The following MYO9B variants were observed in gnomAD, a reference collection of about 807,000 sequenced individuals.
MYO9B encodes the protein unconventional myosin-IXb.
In MYO9B, 71 loss-of-function variants were observed where a neutral mutation model predicts 229.5. That is an observed-to-expected ratio of 0.31 (90% CI 0.26 to 0.38). The LOEUF (loss-of-function observed/expected upper bound fraction) is 0.38. Among genes scored for constraint, MYO9B ranks in the 10% least tolerant of loss-of-function variants. MYO9B has a pLI of 1.00. For synonymous variants in MYO9B, 1,185 were observed against 1,235.8 expected (o/e 0.96, Z 0.86); for missense variants, 2,255 against 2,920.5 (o/e 0.77, Z 5.25).
At chr19:17,154,440 T>C in intron 6 of MYO9B, 25 bp downstream of exon 6, 2 of 1,577,394 alleles carry the variant, frequency 1.3e-6, no homozygotes, top group Non-Finnish European at 1.7e-6. Context: ...TCCCGGGGCC[T>C]GTCCCCCAGA....
intron 2 of MYO9B, among the ~76,000 whole-genome samples, chr19:17,114,044 C>T (rs1441254610): frequency 6.6e-6 from 1 of 152,128 alleles, no homozygotes; most frequent in Non-Finnish European, 1.5e-5. Flanking sequence ...ATCCTGATCC[C>T]TGCCCACTAG....
At chr19:17,175,097 A>AC (rs1296958771) in intron 13 of MYO9B, among the ~76,000 whole-genome samples, 1 of 151,714 alleles carries the variant, frequency 6.6e-6, no homozygotes, top group Non-Finnish European at 1.5e-5. Flanking sequence ...ACATAGTGAG[A>AC]CCCCATCTCT....
intron 24 of MYO9B, among the ~76,000 whole-genome samples, chr19:17,198,754 A>AG (rs1166732601): frequency 6.6e-6 from 1 of 150,726 alleles, no homozygotes; most frequent in Non-Finnish European, 1.5e-5. Flanking sequence ...AAAAAAAAAA[A>AG]AAAGCCTCTA....
intron 2 of MYO9B, among the ~76,000 whole-genome samples, chr19:17,138,379 A>G (rs1347457491): frequency 6.6e-6 from 1 of 152,212 alleles, no homozygotes; most frequent in African/African-American, 2.4e-5. Context: ...ATGTATCTCT[A>G]TCGCAGAATG....
chr19:17,180,189 C>A (rs1033276314), intron 14 of MYO9B, among the ~76,000 whole-genome samples: 13 of 148,980 alleles, frequency 8.7e-5, no homozygotes, highest in Admixed American at 7.4e-4. Context: ...GCTGAGATTG[C>A]GCCATTGTAC....
At chr19:17,204,662 G>A (rs1302158414) in intron 30 of MYO9B, among the ~76,000 whole-genome samples, 1 of 151,424 alleles carries the variant, frequency 6.6e-6, no homozygotes, top group East Asian at 2.0e-4. Context: ...TGGGCAACAT[G>A]GCAAGACCCC....
intron 2 of MYO9B, among the ~76,000 whole-genome samples, chr19:17,121,276 G>T (rs565109881): frequency 5.5e-4 from 84 of 152,036 alleles, no homozygotes; most frequent in Non-Finnish European, 1.0e-3. Flanking sequence ...ACTTGTACTT[G>T]GATTGTCAAC....
chr19:17,084,508 C>G (rs997807093), intron 1 of MYO9B, among the ~76,000 whole-genome samples: 21 of 151,826 alleles, frequency 1.4e-4, no homozygotes, highest in Non-Finnish European at 2.6e-4. Context: ...GGGGTGTGGA[C>G]CAGCATTTCC....
chr19:17,212,346 G>C lies in MYO9B; in HGVS notation c.*36G>C. The C allele has an allele frequency of 1.4e-6, 2 of 1,441,496 alleles. No individual in the cohort carries two copies. Among genetic ancestry groups the C allele is most frequent in the Non-Finnish European group, 1.8e-6 (2 of 1,103,344 alleles). 89.3% of individuals were successfully genotyped at this position (1,441,496 alleles called of 1,614,324 possible). ...TGACAAAGTCTGCATGTCCGAGGAC[G>C]GCCCCTGCACTGGAGCTGGGCGCCA... On this transcript the variant is annotated 3_prime_UTR_variant, in exon 40 of 40. Transcript: ENST00000682292. This position sits in a 1 kb window ranked among gnomAD's most constrained non-coding sequence, Gnocchi z 5.4.
intron 2 of MYO9B, among the ~76,000 whole-genome samples, chr19:17,117,072 G>A (rs1003504661): frequency 1.3e-5 from 2 of 152,178 alleles, no homozygotes; most frequent in Non-Finnish European, 2.9e-5. Flanking sequence ...AAAAGCTGAA[G>A]TGTAAGGTCT....
intron 1 of MYO9B, among the ~76,000 whole-genome samples, chr19:17,090,118 C>CTCTTTTTTTT (rs2057622813): frequency 2.0e-5 from 1 of 49,176 alleles, no homozygotes. Flanking sequence ...TGCTTCCTTC[C>CTCTTTTTTTT]TTTTTTTTTT....
At chr19:17,206,895 G>A (rs1358924808) in intron 34 of MYO9B, 111 bp downstream of exon 34, 1 of 1,243,778 alleles carries the variant, frequency 8.0e-7, no homozygotes, top group Non-Finnish European at 1.2e-6. Flanking sequence ...TTCGAACCAG[G>A]ATGCAGACCA....
rs1286558627 is a variant in MYO9B at position 17,203,269 on chromosome 19, C to G, written c.4990+11C>G. On this transcript the variant is annotated intron_variant, in intron 30 of 39. Transcript: ENST00000682292. ...CCCTGCTCTGCAGCGGTGAGTGGCT[C>G]CCCCACCAGGCCCCAAAACCCTCCA... 2 of 1,538,062 alleles carry G rather than the reference C, an allele frequency of 1.3e-6. No individual in the cohort carries two copies. Among genetic ancestry groups the G allele is most frequent in the Non-Finnish European group, 1.8e-6 (2 of 1,136,240 alleles).
intron 1 of MYO9B, among the ~76,000 whole-genome samples, chr19:17,089,956 C>T (rs1161371157): frequency 2.6e-5 from 4 of 151,976 alleles, no homozygotes; most frequent in Non-Finnish European, 4.4e-5. Context: ...CTCCTGACAA[C>T]GACTCATCAC....
At chr19:17,136,522 T>G (rs773328738) in intron 2 of MYO9B, among the ~76,000 whole-genome samples, 3 of 152,048 alleles carry the variant, frequency 2.0e-5, no homozygotes, top group Non-Finnish European at 4.4e-5. Flanking sequence ...CCCCTTTTAT[T>G]TCTGTCTGTG....
At chr19:17,137,140 A>G (rs915014209) in intron 2 of MYO9B, among the ~76,000 whole-genome samples, 1 of 150,042 alleles carries the variant, frequency 6.7e-6, no homozygotes, top group Non-Finnish European at 1.5e-5. Flanking sequence ...AGGCAGGAGA[A>G]TTGCTTGAAC....
intron 8 of MYO9B, among the ~76,000 whole-genome samples, chr19:17,161,225 C>T (rs2072598516): frequency 6.6e-6 from 1 of 152,106 alleles, no homozygotes; most frequent in Admixed American, 6.5e-5. Flanking sequence ...CTCCCCGAGC[C>T]CAGGTTCCTC....
chr19:17,099,566 A>G (rs1377401012), intron 1 of MYO9B, among the ~76,000 whole-genome samples: 1 of 151,870 alleles, frequency 6.6e-6, no homozygotes, highest in East Asian at 1.9e-4. Context: ...ACATAATGAG[A>G]GCACTTTGGA....
chr19:17,087,456 G>C (rs2057593928), intron 1 of MYO9B, among the ~76,000 whole-genome samples: 1 of 152,218 alleles, frequency 6.6e-6, no homozygotes, highest in Non-Finnish European at 1.5e-5. Context: ...TTTGGGATGA[G>C]CTTCTTGGGA....
Sources: allele counts gnomAD v4.1 joint callset (sites outside exome capture counted in the v4.1 genomes callset), GRCh38; gene constraint gnomAD v4.1.1; non-coding constraint Gnocchi (gnomAD v3.1); transcripts MANE v1.5; gene names NCBI Gene and HGNC (gene_info 2026-07-23, HGNC 2026-07-21).